Variants in TMEM232 observed in about 807,000 individuals in gnomAD.
TMEM232 encodes the protein transmembrane protein 232.
A neutral mutation model predicts 78.8 loss-of-function variants in TMEM232; 80 were observed. That is an observed-to-expected ratio of 1.01 (90% CI 0.85 to 1.22). TMEM232 has a LOEUF of 1.22. Among genes scored for constraint, TMEM232 ranks in the 50% most tolerant of loss-of-function variants. TMEM232 has a pLI of 0.00. For missense variants in TMEM232, 881 were observed against 742.2 expected (o/e 1.19, Z -2.17); for synonymous variants, 297 against 254.3 (o/e 1.17, Z -1.60).
intron 5 of TMEM232, among the ~76,000 whole-genome samples, chr5:110,632,947 G>A (rs1785325885): frequency 6.6e-6 from 1 of 152,090 alleles, no homozygotes; most frequent in South Asian, 2.1e-4. Flanking sequence ...CAGTCAAACT[G>A]TCTAAAGTCA....
intron 10 of TMEM232, among the ~76,000 whole-genome samples, chr5:110,601,337 A>C (rs1423820646): frequency 1.3e-5 from 2 of 152,194 alleles, no homozygotes; most frequent in Non-Finnish European, 2.9e-5. Flanking sequence ...AAGGGCATTC[A>C]AATAGGAATA....
At chr5:110,659,390 A>C (rs984486031) in intron 2 of TMEM232, among the ~76,000 whole-genome samples, 3 of 152,122 alleles carry the variant, frequency 2.0e-5, no homozygotes, top group Non-Finnish European at 4.4e-5. Flanking sequence ...CTAGACAAAC[A>C]TAGATTGTTG....
intron 1 of TMEM232, among the ~76,000 whole-genome samples, chr5:110,683,524 C>T (rs1196939147): frequency 3.3e-5 from 5 of 151,738 alleles, no homozygotes; most frequent in Admixed American, 2.0e-4. Context: ...CACGCTTAAA[C>T]AAAAACTGCT....
intron 10 of TMEM232, among the ~76,000 whole-genome samples, chr5:110,570,456 T>A (rs1389621726): frequency 6.6e-6 from 1 of 151,914 alleles, no homozygotes; most frequent in Non-Finnish European, 1.5e-5. Context: ...TAAGAGAAAT[T>A]AGAGGGTAAC....
intron 12 of TMEM232, among the ~76,000 whole-genome samples, chr5:110,494,632 C>T (rs1250595590): frequency 6.6e-6 from 1 of 151,996 alleles, no homozygotes; most frequent in African/African-American, 2.4e-5. Flanking sequence ...CATATGTCAC[C>T]AGGAGTCTGT....
intron 2 of TMEM232, among the ~76,000 whole-genome samples, chr5:110,657,887 T>C (rs1561466841): frequency 1.3e-5 from 2 of 152,130 alleles, no homozygotes; most frequent in Non-Finnish European, 2.9e-5. Flanking sequence ...AAATATTGAC[T>C]ACTCTTTTGA....
intron 8 of TMEM232, among the ~76,000 whole-genome samples, chr5:110,609,577 A>T (rs1479698933): frequency 2.0e-5 from 3 of 151,914 alleles, no homozygotes; most frequent in Non-Finnish European, 4.4e-5. Context: ...GGTAGTATAC[A>T]GTGTCTATAG....
intron 3 of TMEM232, among the ~76,000 whole-genome samples, chr5:110,391,873 TAATA>T (rs535422969): frequency 6.6e-6 from 1 of 152,046 alleles, no homozygotes; most frequent in Non-Finnish European, 1.5e-5. Flanking sequence ...AGGGGTAGAG[TAATA>T]AATCAAATAG....
chr5:110,610,233 A>AAG (rs1782037205), intron 8 of TMEM232, among the ~76,000 whole-genome samples: 2 of 24,068 alleles, frequency 8.3e-5, no homozygotes, highest in African/African-American at 9.0e-5. Context: ...GGAGGGAAAA[A>AAG]GAAAGGAAGG....
intron 12 of TMEM232, among the ~76,000 whole-genome samples, chr5:110,517,224 C>G (rs1446643241): frequency 2.0e-5 from 3 of 152,142 alleles, no homozygotes; most frequent in African/African-American, 7.2e-5. Context: ...TTTCAGCATG[C>G]TCAGGTGTTG....
At chr5:110,647,253 T>C (rs1209334552) in intron 2 of TMEM232, among the ~76,000 whole-genome samples, 1 of 151,926 alleles carries the variant, frequency 6.6e-6, no homozygotes, top group East Asian at 1.9e-4. Flanking sequence ...ACTGCGCATG[T>C]GGTATTGACC....
intron 1 of TMEM232, among the ~76,000 whole-genome samples, chr5:110,721,318 A>G (rs1366938820): frequency 6.6e-6 from 1 of 152,050 alleles, no homozygotes; most frequent in Non-Finnish European, 1.5e-5. Context: ...TCTGGCTGCT[A>G]CAGAAACAAG....
intron 8 of TMEM232, among the ~76,000 whole-genome samples, chr5:110,615,102 A>G (rs1782763346): frequency 6.6e-6 from 1 of 152,002 alleles, no homozygotes; most frequent in Admixed American, 6.6e-5. Flanking sequence ...ACTCTAATCT[A>G]AAGTGTTTTT....
At chr5:110,702,979 C>T (rs1422783375) in intron 1 of TMEM232, among the ~76,000 whole-genome samples, 1 of 151,994 alleles carries the variant, frequency 6.6e-6, no homozygotes, top group African/African-American at 2.4e-5. Flanking sequence ...ACATAGCTGT[C>T]AGGTTTCTGA....
chr5:110,473,044 C>A, intron 12 of TMEM232, among the ~76,000 whole-genome samples: 2 of 146,844 alleles, frequency 1.4e-5, no homozygotes, highest in Admixed American at 6.8e-5. Flanking sequence ...ACCTAAAAAG[C>A]ACAGGCAACA....
At chr5:110,418,130 G>C (rs1051500765), downstream of TMEM232, 2 of 152,076 alleles carry the variant, frequency 1.3e-5, no homozygotes, top group African/African-American at 4.8e-5. Flanking sequence ...AGCAGCTACT[G>C]TTTCAGTGTT....
intron 11 of TMEM232, among the ~76,000 whole-genome samples, chr5:110,553,660 T>C (rs1212584529): frequency 6.6e-6 from 1 of 152,196 alleles, no homozygotes; most frequent in Non-Finnish European, 1.5e-5. Flanking sequence ...TAGAGTCATA[T>C]CATCTTATAA....
At chr5:110,434,583 G>A (rs1758210054) in intron 12 of TMEM232, among the ~76,000 whole-genome samples, 1 of 151,934 alleles carries the variant, frequency 6.6e-6, no homozygotes, top group Admixed American at 6.6e-5. Flanking sequence ...AATCGAGGAG[G>A]AAGGACACCT....
intron 3 of TMEM232, 44 bp from the exon 4 acceptor site, chr5:110,641,040 T>C (rs1361826205): frequency 8.4e-7 from 1 of 1,189,874 alleles, no homozygotes; most frequent in East Asian, 2.9e-5. Flanking sequence ...AATGTACATA[T>C]TTTTATATAT....
Sources: gnomAD v4.1 joint callset for allele counts (sites outside exome capture counted in the v4.1 genomes callset) on GRCh38, gnomAD v4.1.1 for gene constraint, MANE v1.5 for transcripts, NCBI Gene and HGNC (gene_info 2026-07-23, HGNC 2026-07-21) for gene names.